Variants in RIMS2 observed in about 807,000 individuals in gnomAD.
RIMS2 encodes regulating synaptic membrane exocytosis protein 2.
RIMS2 carries 59 observed loss-of-function variants against 174.4 expected under a neutral mutation model. The ratio of observed to expected loss-of-function variants is 0.34; its 90% confidence interval spans 0.27 to 0.42. The LOEUF is 0.42. Among genes scored for constraint, RIMS2 ranks in the 10% least tolerant of loss-of-function variants. The probability of loss-of-function intolerance (pLI) is 1.00; values close to 1 mark genes in which losing one functional copy is unlikely to be tolerated. For synonymous variants in RIMS2, 606 were observed against 572.5 expected (o/e 1.06, Z -0.84); for missense variants, 1,620 against 1,666.3 (o/e 0.97, Z 0.48).
intron 19 of RIMS2, among the ~76,000 whole-genome samples, chr8:104,048,617 A>G (rs576992679): frequency 1.3e-5 from 2 of 152,320 alleles, no homozygotes; most frequent in African/African-American, 4.8e-5. Context: ...ATTTGTAACA[A>G]TAAAAACGAT....
At chr8:103,571,139 A>ACAG (rs1162609031) in intron 1 of RIMS2, among the ~76,000 whole-genome samples, 1 of 152,220 alleles carries the variant, frequency 6.6e-6, no homozygotes, top group Non-Finnish European at 1.5e-5. Context: ...AAATTTGACA[A>ACAG]CAGCAGCTGT....
At chr8:103,638,502 A>G (rs796941220) in intron 1 of RIMS2, among the ~76,000 whole-genome samples, 37 of 152,154 alleles carry the variant, frequency 2.4e-4, no homozygotes, top group African/African-American at 5.1e-4. Context: ...GTATGGATTA[A>G]TGGATATTTA....
Position 103,714,271 on chromosome 8 carries a change from C to G in RIMS2, c.387+16975C>G, listed in dbSNP as rs536112095. On this transcript the variant is annotated intron_variant, in intron 2 of 23. Transcript: ENST00000504942. Reference sequence around the variant, plus strand: ...ATAAGCATTGCATTTAAGTCCAGCTCTTTGCTGTAGCTCAGCACTGTGATA... The same window carrying G: ...ATAAGCATTGCATTTAAGTCCAGCTGTTTGCTGTAGCTCAGCACTGTGATA... Among the ~76,000 whole-genome samples, 110 of 152,286 alleles carry G rather than the reference C, an allele frequency of 7.2e-4. 1 individual carries two copies. The highest frequency in any genetic ancestry group is 2.4e-3 in the African/African-American group (98 of 41,564).
chr8:103,943,115 T>C (rs2082919782), intron 14 of RIMS2, among the ~76,000 whole-genome samples, 189 bp downstream of exon 16: 1 of 152,208 alleles, frequency 6.6e-6, no homozygotes, highest in African/African-American at 2.4e-5. Flanking sequence ...AATAAGGTTG[T>C]ACCCATAGCA....
intron 19 of RIMS2, among the ~76,000 whole-genome samples, chr8:104,040,216 T>G (rs955662521): frequency 1.3e-5 from 2 of 151,724 alleles, no homozygotes; most frequent in African/African-American, 4.8e-5. Flanking sequence ...CTTTGCTATA[T>G]AAGTCAACTC....
chr8:103,915,344 T>G (rs2076455155), intron 6 of RIMS2, 151 bp from the exon 10 acceptor site: 1 of 466,938 alleles, frequency 2.1e-6, no homozygotes, highest in Non-Finnish European at 3.9e-6. Context: ...GCTAACCTAA[T>G]AGAGACAATA....
At chr8:104,066,988 G>A (rs992810707) in intron 19 of RIMS2, among the ~76,000 whole-genome samples, 1 of 151,866 alleles carries the variant, frequency 6.6e-6, no homozygotes, top group African/African-American at 2.4e-5. Flanking sequence ...TTTTTGCAGG[G>A]CAGAGAATAA....
chr8:103,873,040 A>G (rs945633542), intron 3 of RIMS2, among the ~76,000 whole-genome samples: 4 of 152,150 alleles, frequency 2.6e-5, no homozygotes, highest in Non-Finnish European at 4.4e-5. Flanking sequence ...ACTCTAAATC[A>G]TGAAGTTCTG....
Position 103,591,968 on chromosome 8 carries a change from T to G in RIMS2, c.176+90906T>G, listed in dbSNP as rs145957226. Among the ~76,000 whole-genome samples the G allele has an allele frequency of 3.5e-3, 535 of 151,362 alleles. 10 individuals carry two copies. The highest frequency in any genetic ancestry group is 0.013 in the Admixed American group (201 of 15,182). The stretch of plus-strand genomic sequence containing the variant: ...AGTGAAGTTATGATTGGGATTGCAT[T>G]GAATCTTTAGATCTATTTGGAAAGA... On this transcript the variant is annotated intron_variant, in intron 1 of 23. Transcript: ENST00000504942.
At chr8:103,636,177 C>A (rs575691716) in intron 1 of RIMS2, among the ~76,000 whole-genome samples, 1 of 152,246 alleles carries the variant, frequency 6.6e-6, no homozygotes, top group Admixed American at 6.5e-5. Context: ...TGGTAGCTGG[C>A]TGGAATTTCA....
chr8:104,034,803 G>A (rs912473524), intron 19 of RIMS2, among the ~76,000 whole-genome samples: 1 of 151,846 alleles, frequency 6.6e-6, no homozygotes, highest in Non-Finnish European at 1.5e-5. Flanking sequence ...ATTGACATCA[G>A]TATAGATAAA....
At chr8:103,572,912 C>T (rs1309861137) in intron 1 of RIMS2, among the ~76,000 whole-genome samples, 2 of 151,986 alleles carry the variant, frequency 1.3e-5, no homozygotes, top group Non-Finnish European at 2.9e-5. Context: ...TTAATTAGGT[C>T]CCAGTTGTCA....
At chr8:104,009,101 G>T (rs1471449153) in intron 17 of RIMS2, among the ~76,000 whole-genome samples, 1 of 151,470 alleles carries the variant, frequency 6.6e-6, no homozygotes, top group African/African-American at 2.4e-5. Context: ...TTTTAAAGTT[G>T]TCATAATTAC....
intron 1 of RIMS2, among the ~76,000 whole-genome samples, chr8:103,668,684 G>T (rs4734726): frequency 0.088 from 9,974 of 112,780 alleles, 394 homozygotes; most frequent in Non-Finnish European, 0.11. Context: ...ATTTATTTAT[G>T]TATTTATTTA....
intron 1 of RIMS2, among the ~76,000 whole-genome samples, chr8:103,585,313 T>C (rs2093849174): frequency 6.6e-6 from 1 of 152,128 alleles, no homozygotes; most frequent in Non-Finnish European, 1.5e-5. Context: ...AGTTCAAGCA[T>C]TGTGGAAGAC....
chr8:104,009,754 C>G (rs948173242), intron 17 of RIMS2, among the ~76,000 whole-genome samples: 7 of 152,100 alleles, frequency 4.6e-5, no homozygotes, highest in African/African-American at 1.7e-4. Context: ...AGTAGCTTTA[C>G]TTTTTACAAA....
At chr8:104,002,626 G>A (rs999989464) in intron 17 of RIMS2, among the ~76,000 whole-genome samples, 1 of 152,236 alleles carries the variant, frequency 6.6e-6, no homozygotes, top group South Asian at 2.1e-4. Flanking sequence ...AATAAAATAT[G>A]TATTAATAGC....
intron 2 of RIMS2, among the ~76,000 whole-genome samples, chr8:103,707,773 C>T (rs945941307): frequency 6.6e-6 from 1 of 152,198 alleles, no homozygotes; most frequent in Admixed American, 6.5e-5. Context: ...TATTGCCTGA[C>T]TGCAACTGAT....
intron 1 of RIMS2, among the ~76,000 whole-genome samples, chr8:103,654,677 A>G (rs961631444): frequency 2.6e-5 from 4 of 151,808 alleles, no homozygotes; most frequent in African/African-American, 9.7e-5. Context: ...CTCTATTCGG[A>G]TTTATAAGGC....
Sources: gnomAD v4.1 joint callset for allele counts (sites outside exome capture counted in the v4.1 genomes callset) on GRCh38, gnomAD v4.1.1 for gene constraint, MANE v1.5 for transcripts, NCBI Gene and HGNC (gene_info 2026-07-23, HGNC 2026-07-21) for gene names.